WWOX: variants seen among roughly 807,000 people sequenced by gnomAD.
The protein encoded by WWOX is WW domain containing oxidoreductase, also known as WW domain-containing oxidoreductase.
In WWOX, 69 loss-of-function variants were observed where a neutral mutation model predicts 46.2. That is an observed-to-expected ratio of 1.49 (90% CI 1.23 to 1.82). WWOX has a LOEUF of 1.82. Ranked by LOEUF, WWOX falls within the 40% of genes most tolerant of loss-of-function variation. WWOX has a pLI of 0.00. For missense variants in WWOX, 919 were observed against 542.6 expected, an observed-to-expected ratio of 1.69 and a Z score of -6.89; for synonymous variants, 359 against 202.6, an observed-to-expected ratio of 1.77 and a Z score of -6.56.
At chr16:78,907,279 C>T (rs766011585) in intron 8 of WWOX, among the ~76,000 whole-genome samples, 42 of 152,108 alleles carry the variant, frequency 2.8e-4, no homozygotes, top group Non-Finnish European at 4.6e-4. Flanking sequence ...GGCTACCAGT[C>T]CTCAAAAATG....
intron 6 of WWOX, among the ~76,000 whole-genome samples, chr16:78,422,895 T>G (rs1425393178): frequency 6.8e-6 from 1 of 148,066 alleles, no homozygotes; most frequent in Non-Finnish European, 1.5e-5. Flanking sequence ...ATATATTTTT[T>G]TTTTCTTTTA....
At chr16:79,151,331 A>C (rs1223775079) in intron 8 of WWOX, among the ~76,000 whole-genome samples, 2 of 152,212 alleles carry the variant, frequency 1.3e-5, no homozygotes, top group Non-Finnish European at 2.9e-5. Flanking sequence ...GTCACTAACA[A>C]AACGTCTCCA....
At chr16:79,201,430 A>G (rs570573912) in intron 8 of WWOX, among the ~76,000 whole-genome samples, 30 of 151,038 alleles carry the variant, frequency 2.0e-4, no homozygotes, top group Admixed American at 4.0e-4. Context: ...GGATTTGTAC[A>G]CGATGCCTGA....
At chr16:78,261,498 C>G (rs1266788054) in intron 5 of WWOX, among the ~76,000 whole-genome samples, 1 of 150,236 alleles carries the variant, frequency 6.7e-6, no homozygotes, top group Non-Finnish European at 1.5e-5. Flanking sequence ...CACTCAAATT[C>G]CATTTCTCTT....
chr16:78,431,635 G>A (rs1024836825), intron 7 of WWOX, among the ~76,000 whole-genome samples: 1 of 151,582 alleles, frequency 6.6e-6, no homozygotes, highest in Non-Finnish European at 1.5e-5. Flanking sequence ...CAGTATGTCA[G>A]GACTGCTACA....
intron 5 of WWOX, among the ~76,000 whole-genome samples, chr16:78,171,742 A>G (rs1342372323): frequency 6.6e-6 from 1 of 152,170 alleles, no homozygotes; most frequent in African/African-American, 2.4e-5. Flanking sequence ...TCTGTATAGT[A>G]TTGGATTTTC....
intron 8 of WWOX, among the ~76,000 whole-genome samples, chr16:78,724,759 G>C (rs1301923476): frequency 1.3e-5 from 2 of 152,148 alleles, no homozygotes; most frequent in African/African-American, 4.8e-5. Context: ...CCCTGAAGGA[G>C]ACATTTTCTG....
chr16:78,428,125 G>C (rs570166289), intron 7 of WWOX, among the ~76,000 whole-genome samples: 38 of 152,322 alleles, frequency 2.5e-4, no homozygotes, highest in African/African-American at 7.0e-4. Flanking sequence ...TACAAGATTT[G>C]TGAGGGGCGG....
intron 8 of WWOX, among the ~76,000 whole-genome samples, chr16:78,597,805 A>G (rs1027539514): frequency 6.6e-6 from 1 of 150,670 alleles, no homozygotes; most frequent in Non-Finnish European, 1.5e-5. Flanking sequence ...GAATATACTG[A>G]ATGCTAAGCC....
intron 7 of WWOX, among the ~76,000 whole-genome samples, chr16:78,427,664 A>T (rs976960684): frequency 1.3e-5 from 2 of 152,078 alleles, no homozygotes; most frequent in Non-Finnish European, 2.9e-5. Context: ...CTGTAATCCT[A>T]TCTAGTAAGA....
intron 8 of WWOX, among the ~76,000 whole-genome samples, chr16:78,674,472 A>C (rs1258449206): frequency 3.3e-5 from 5 of 151,868 alleles, no homozygotes; most frequent in Non-Finnish European, 5.9e-5. Flanking sequence ...TTTAGTAGAG[A>C]TGGGGTTTCA....
At chr16:78,909,373 T>C (rs1400144319) in intron 8 of WWOX, among the ~76,000 whole-genome samples, 1 of 152,172 alleles carries the variant, frequency 6.6e-6, no homozygotes, top group African/African-American at 2.4e-5. Flanking sequence ...TATTCTCTGT[T>C]CAGCTGTTAA....
chr16:78,720,890 A>G (rs754727279), intron 8 of WWOX, among the ~76,000 whole-genome samples: 2 of 152,144 alleles, frequency 1.3e-5, no homozygotes, highest in Non-Finnish European at 2.9e-5. Flanking sequence ...TTTGGTCCTA[A>G]CTAAAAGATA....
intron 8 of WWOX, among the ~76,000 whole-genome samples, chr16:78,508,310 CTTTTTT>C (rs60281450): frequency 3.0e-4 from 34 of 112,770 alleles, no homozygotes; most frequent in African/African-American, 1.3e-3. Flanking sequence ...TGCGCCCGGC[CTTTTTT>C]TTTTTTTTTT....
At chr16:78,672,592 G>A (rs899791658) in intron 8 of WWOX, among the ~76,000 whole-genome samples, 2 of 152,218 alleles carry the variant, frequency 1.3e-5, no homozygotes, top group Non-Finnish European at 2.9e-5. Context: ...TAAATTGCCT[G>A]TAATGGGTTC....
intron 4 of WWOX, among the ~76,000 whole-genome samples, chr16:78,129,042 G>A (rs1453435659): frequency 6.6e-6 from 1 of 152,190 alleles, no homozygotes; most frequent in East Asian, 1.9e-4. Flanking sequence ...GAACATCTCA[G>A]TCAGGGTGTG....
intron 8 of WWOX, among the ~76,000 whole-genome samples, chr16:78,608,207 A>G (rs550867170): frequency 2.0e-4 from 30 of 152,308 alleles, no homozygotes; most frequent in African/African-American, 7.0e-4. Context: ...TACACCATGC[A>G]TGAGACAGAA....
intron 8 of WWOX, among the ~76,000 whole-genome samples, chr16:78,440,979 G>A (rs555959142): frequency 6.6e-6 from 1 of 151,874 alleles, no homozygotes; most frequent in South Asian, 2.1e-4. Flanking sequence ...GTCTTGCTCT[G>A]TCACCTAGGC....
At chr16:78,362,495 G>C (rs907769660) in intron 5 of WWOX, among the ~76,000 whole-genome samples, 2 of 152,212 alleles carry the variant, frequency 1.3e-5, no homozygotes, top group Non-Finnish European at 2.9e-5. Context: ...TGTTGTTCCA[G>C]GTACTCGGGA....
Sources: allele counts gnomAD v4.1 joint callset (sites outside exome capture counted in the v4.1 genomes callset), GRCh38; gene constraint gnomAD v4.1.1; transcripts MANE v1.5; gene names NCBI Gene and HGNC (gene_info 2026-07-23, HGNC 2026-07-21).